The following LRRC39 variants were observed in gnomAD, a reference collection of about 807,000 sequenced individuals.
LRRC39 encodes leucine-rich repeat-containing protein 39.
Under a neutral mutation model 39.7 loss-of-function variants are expected in LRRC39, and 35 were observed. The ratio of observed to expected loss-of-function variants is 0.88; its 90% CI spans 0.67 to 1.17. The LOEUF (loss-of-function observed/expected upper bound fraction) is 1.17. Among genes scored for constraint, LRRC39 ranks in the 50% most tolerant of loss-of-function variants. The pLI, the probability that LRRC39 is intolerant of heterozygous loss-of-function variation, is 0.00. For missense variants in LRRC39, 357 were observed against 385.8 expected, an observed-to-expected ratio of 0.93 and a Z score of 0.62; for synonymous variants, 113 against 134.1, an observed-to-expected ratio of 0.84 and a Z score of 1.09.
intron 6 of LRRC39, among the ~76,000 whole-genome samples, chr1:100,157,176 A>C (rs1658520087): frequency 6.6e-6 from 1 of 152,142 alleles, no homozygotes; most frequent in Non-Finnish European, 1.5e-5. Flanking sequence ...CCCCACCCAA[A>C]TTTCATCTTG....
At chr1:100,159,195 T>A in intron 5 of LRRC39, 64 bp downstream of exon 5, 1 of 1,426,720 alleles carries the variant, frequency 7.0e-7, no homozygotes, top group Non-Finnish European at 9.3e-7. Flanking sequence ...TCCAAAAAAA[T>A]CTTAATAAAA....
chr1:100,170,961 A>G (rs1213856131), intron 2 of LRRC39, among the ~76,000 whole-genome samples: 1 of 152,216 alleles, frequency 6.6e-6, no homozygotes, highest in Non-Finnish European at 1.5e-5. Context: ...TATTAATAGC[A>G]GACAAAATGG....
chr1:100,162,352 A>G (rs1254351114), intron 3 of LRRC39, among the ~76,000 whole-genome samples: 3 of 152,196 alleles, frequency 2.0e-5, no homozygotes, highest in Non-Finnish European at 4.4e-5. Flanking sequence ...AGAAAAATGC[A>G]AACTAGAAAC....
intron 8 of LRRC39, 119 bp downstream of exon 8, chr1:100,154,932 A>T: frequency 1.1e-6 from 1 of 885,612 alleles, no homozygotes; most frequent in Non-Finnish European, 1.6e-6. Flanking sequence ...AAAGATTTTT[A>T]AGATATCCAT....
intron 3 of LRRC39, among the ~76,000 whole-genome samples, chr1:100,163,589 T>A (rs1659034054): frequency 6.8e-6 from 1 of 146,714 alleles, no homozygotes; most frequent in African/African-American, 2.6e-5. Flanking sequence ...CCTATACAGC[T>A]TTTTCTAAAA....
chr1:100,149,254 T>G, intron 9 of LRRC39, 157 bp from the exon 10 acceptor site: 35 of 1,512,922 alleles, frequency 2.3e-5, no homozygotes, highest in Non-Finnish European at 3.1e-5. Context: ...GAATTTGACT[T>G]ATATGTGGAC....
At chr1:100,173,242 A>C (rs2101798794) in intron 2 of LRRC39, 89 bp downstream of exon 2, 1 of 151,766 alleles carries the variant, frequency 6.6e-6, no homozygotes, top group Non-Finnish European at 1.5e-5. Flanking sequence ...TCTGTCTCAA[A>C]AAAAAAACAA....
At chr1:100,161,791 C>T (rs1261300847) in intron 3 of LRRC39, among the ~76,000 whole-genome samples, 1 of 152,156 alleles carries the variant, frequency 6.6e-6, no homozygotes, top group African/African-American at 2.4e-5. Context: ...GGACTACAGG[C>T]ATGCTCCACC....
intron 7 of LRRC39, 151 bp downstream of exon 7, chr1:100,156,021 C>T: frequency 1.4e-6 from 1 of 704,044 alleles, no homozygotes; most frequent in Non-Finnish European, 2.0e-6. Flanking sequence ...TTACTTGGAA[C>T]AAATGAAAAT....
intron 4 of LRRC39, among the ~76,000 whole-genome samples, chr1:100,160,184 T>C (rs1658761311): frequency 6.6e-6 from 1 of 152,210 alleles, no homozygotes; most frequent in South Asian, 2.1e-4. Flanking sequence ...AGGCAGATGG[T>C]TATCTTTTTT....
intron 3 of LRRC39, among the ~76,000 whole-genome samples, chr1:100,166,829 G>T (rs1318762991): frequency 1.3e-5 from 2 of 152,128 alleles, no homozygotes; most frequent in East Asian, 3.9e-4. Flanking sequence ...TTTATAAGAG[G>T]TTTCCCCTTT....
Position 100,148,456 on chromosome 1 carries a change from A to G in LRRC39, c.*586T>C. ...CTAATTTTAGAATAAGCTAAAATAT[A>G]CACATCTTTTATTGTGGTCATAAAT... On this transcript the variant is annotated 3_prime_UTR_variant, in exon 10 of 10. Coordinates refer to ENST00000370137, the MANE Select transcript of LRRC39 (RefSeq NM_144620.4). The G allele has an allele frequency of 1.8e-6, 2 of 1,121,338 alleles. No individual in the cohort carries two copies. Among genetic ancestry groups the G allele is most frequent in the South Asian group, 3.2e-5 (2 of 63,302 alleles). 69.5% of individuals were successfully genotyped at this position (1,121,338 alleles called of 1,614,324 possible).
chr1:100,179,414 C>G (rs745623734), upstream of LRRC39, among the ~76,000 whole-genome samples: 1 of 132,522 alleles, frequency 7.5e-6, no homozygotes, highest in Non-Finnish European at 1.5e-5. Context: ...GTAATCCCAG[C>G]ACTTTGAGAG....
At chr1:100,163,531 A>G (rs1484009506) in intron 3 of LRRC39, among the ~76,000 whole-genome samples, 2 of 151,800 alleles carry the variant, frequency 1.3e-5, no homozygotes, top group Non-Finnish European at 2.9e-5. Context: ...ATGTGAGGTT[A>G]TAATTAAATG....
At chr1:100,156,026 GA>G (rs1165394821) in intron 7 of LRRC39, 145 bp downstream of exon 7, 3 of 728,402 alleles carry the variant, frequency 4.1e-6, no homozygotes, top group Non-Finnish European at 5.9e-6. Flanking sequence ...TGGAACAAAT[GA>G]AAATATTCTG....
rs893144289 is a variant in LRRC39 at position 100,155,159 on chromosome 1, G to T, written c.704C>A (p.Thr235Lys). ...ATTGCTGATTGTTTGAGGCAAGCAT[G>T]TTATTTCATTTCGTTGCAGCCATAA... ...HTLWLQRNEI[T>K]CLPQTISNMK... Residue 235 changes from threonine to lysine, a missense_variant, in exon 8 of 10, where the codon ACA becomes AAA. Thr to Lys is a moderately conservative substitution (Grantham distance 78). Transcript: ENST00000370137. The T allele has an allele frequency of 1.2e-6, 2 of 1,609,416 alleles. No homozygotes were observed. The highest frequency in any genetic ancestry group is 2.7e-5 in the African/African-American group (2 of 74,634).
intron 3 of LRRC39, among the ~76,000 whole-genome samples, chr1:100,166,469 A>G (rs1659251659): frequency 6.6e-6 from 1 of 152,164 alleles, no homozygotes; most frequent in Non-Finnish European, 1.5e-5. Flanking sequence ...GCAGATGGAG[A>G]TGAGGAACTT....
intron 3 of LRRC39, among the ~76,000 whole-genome samples, chr1:100,165,599 A>G (rs1659182946): frequency 6.6e-6 from 1 of 152,176 alleles, no homozygotes; most frequent in Non-Finnish European, 1.5e-5. Flanking sequence ...ATTTAGCAAC[A>G]CAAATCATTG....
At chr1:100,156,902 T>C (rs1658500675) in intron 6 of LRRC39, among the ~76,000 whole-genome samples, 1 of 152,116 alleles carries the variant, frequency 6.6e-6, no homozygotes, top group Non-Finnish European at 1.5e-5. Flanking sequence ...GGAGAATTGC[T>C]TGGGCCCAGG....
Sources: gnomAD v4.1 joint callset for allele counts (sites outside exome capture counted in the v4.1 genomes callset) on GRCh38, gnomAD v4.1.1 for gene constraint, MANE v1.5 for transcripts, NCBI Gene and HGNC (gene_info 2026-07-23, HGNC 2026-07-21) for gene names.